The following WDPCP variants were observed in gnomAD, a reference collection of about 807,000 sequenced individuals.
The protein encoded by WDPCP is WD repeat-containing and planar cell polarity effector protein fritz homolog.
WDPCP carries 71 observed loss-of-function variants against 93.1 expected under a neutral mutation model. The observed-to-expected ratio is 0.76, with a 90% CI of 0.63 to 0.93. The LOEUF is 0.93. WDPCP is among the 40% of genes least tolerant of loss of function. WDPCP has a pLI of 0.00. For missense variants in WDPCP, 844 were observed against 887.4 expected, an observed-to-expected ratio of 0.95 and a Z score of 0.62; for synonymous variants, 315 against 315.0, an observed-to-expected ratio of 1.00 and a Z score of 0.00.
At chr2:63,756,501 T>C (rs982890026) in intron 2 of WDPCP, among the ~76,000 whole-genome samples, 2 of 152,192 alleles carry the variant, frequency 1.3e-5, no homozygotes, top group African/African-American at 4.8e-5. Context: ...ATATTTTCTA[T>C]AGAATTTAAT....
intron 14 of WDPCP, among the ~76,000 whole-genome samples, chr2:63,225,103 C>T (rs757899658): frequency 6.6e-6 from 1 of 150,466 alleles, no homozygotes; most frequent in Non-Finnish European, 1.5e-5. Context: ...TAAAGATACT[C>T]AGGAATGAAA....
chr2:63,569,228 T>C (rs1192949354), intron 1 of WDPCP, among the ~76,000 whole-genome samples: 1 of 152,206 alleles, frequency 6.6e-6, no homozygotes, highest in East Asian at 1.9e-4. Flanking sequence ...ACCTTCTATT[T>C]AGAATACAAA....
intron 1 of WDPCP, among the ~76,000 whole-genome samples, chr2:63,583,680 A>G (rs200389006): frequency 3.7e-5 from 1 of 26,686 alleles, no homozygotes; most frequent in Non-Finnish European, 5.3e-5. Context: ...ACTCCGTTTC[A>G]AAAAAAAAAA....
chr2:63,811,906 C>T (rs575731946), intron 2 of WDPCP, among the ~76,000 whole-genome samples: 2 of 152,272 alleles, frequency 1.3e-5, no homozygotes, highest in South Asian at 2.1e-4. Flanking sequence ...CTCTATCACC[C>T]TGGCTGGAGT....
chr2:63,372,371 C>T (rs1350127774), intron 12 of WDPCP, among the ~76,000 whole-genome samples: 1 of 152,118 alleles, frequency 6.6e-6, no homozygotes, highest in African/African-American at 2.4e-5. Context: ...AATATACAAA[C>T]TTCTGTTTTT....
rs191626387 is a variant in WDPCP at position 63,390,265 on chromosome 2, T to C, written c.1436-8171A>G. 1.9e-3 allele frequency among the ~76,000 whole-genome samples: 284 copies of C among 149,292 alleles called. 4 individuals are homozygous for C. Among genetic ancestry groups the C allele is most frequent in the Admixed American group, 0.016 (233 of 14,634 alleles). On this transcript the variant is annotated intron_variant, in intron 10 of 17. Transcript: ENST00000272321. ...ACTCACTCAAAACCGCACAACTATA[T>C]GGAAACTGAACAACATGCTCCTGAA...
intron 1 of WDPCP, among the ~76,000 whole-genome samples, chr2:63,523,319 G>A (rs1221982519): frequency 6.6e-6 from 1 of 151,918 alleles, no homozygotes; most frequent in African/African-American, 2.4e-5. Context: ...CAATAATAAG[G>A]GCCATTTATG....
At chr2:63,638,016 G>T (rs903753040) in intron 3 of WDPCP, among the ~76,000 whole-genome samples, 2 of 152,056 alleles carry the variant, frequency 1.3e-5, no homozygotes, top group Non-Finnish European at 2.9e-5. Flanking sequence ...ACATTGGATT[G>T]GATTTTATCA....
intron 12 of WDPCP, among the ~76,000 whole-genome samples, chr2:63,351,430 C>T (rs1689604797): frequency 6.6e-6 from 1 of 151,922 alleles, no homozygotes. Flanking sequence ...CCTGTCCTTT[C>T]CTCTCCCATC....
intron 2 of WDPCP, among the ~76,000 whole-genome samples, chr2:63,765,716 G>A (rs527736312): frequency 6.6e-6 from 1 of 152,314 alleles, no homozygotes; most frequent in East Asian, 1.9e-4. Flanking sequence ...AGGAACCACA[G>A]CTAAGGCATG....
At chr2:63,606,649 A>G (rs1329951496) in intron 3 of WDPCP, among the ~76,000 whole-genome samples, 2 of 151,318 alleles carry the variant, frequency 1.3e-5, no homozygotes, top group Non-Finnish European at 2.9e-5. Context: ...AAAGTCAGTC[A>G]TTTTTGAAGT....
At chr2:63,229,794 T>G (rs1678659515) in intron 14 of WDPCP, 1 of 152,054 alleles carries the variant, frequency 6.6e-6, no homozygotes, top group Admixed American at 6.6e-5. Flanking sequence ...TTGGTCTATA[T>G]CTCTGTTTTG....
chr2:63,620,466 T>C (rs1460128397), intron 3 of WDPCP, among the ~76,000 whole-genome samples: 1 of 152,130 alleles, frequency 6.6e-6, no homozygotes, highest in Non-Finnish European at 1.5e-5. Context: ...CCAGACTGCC[T>C]CTCTAGATTC....
chr2:63,281,362 C>T (rs1434172950), intron 13 of WDPCP, among the ~76,000 whole-genome samples: 2 of 152,110 alleles, frequency 1.3e-5, no homozygotes, highest in African/African-American at 4.8e-5. Context: ...GAAAAGGGAA[C>T]ACTTTTACAC....
chr2:63,250,011 T>C (rs1007285983), intron 14 of WDPCP, among the ~76,000 whole-genome samples: 1 of 152,162 alleles, frequency 6.6e-6, no homozygotes, highest in Non-Finnish European at 1.5e-5. Flanking sequence ...GTACCATAGA[T>C]CTTAGCAAGC....
chr2:63,528,889 T>C (rs904252244), intron 1 of WDPCP, among the ~76,000 whole-genome samples: 1 of 152,212 alleles, frequency 6.6e-6, no homozygotes, highest in African/African-American at 2.4e-5. Context: ...TTTTATTTCA[T>C]TGAGCAGTGG....
At chr2:63,610,468 G>A (rs1270585797) in intron 3 of WDPCP, among the ~76,000 whole-genome samples, 1 of 151,284 alleles carries the variant, frequency 6.6e-6, no homozygotes, top group Non-Finnish European at 1.5e-5. Context: ...TTAAATAAAA[G>A]TTATATATAC....
intron 1 of WDPCP, among the ~76,000 whole-genome samples, chr2:63,550,848 C>T (rs887806138): frequency 6.6e-6 from 1 of 151,484 alleles, no homozygotes; most frequent in Non-Finnish European, 1.5e-5. Context: ...CATCTACCCC[C>T]AACTCCTGAA....
chr2:63,129,287 G>A (rs1296453652), intron 17 of WDPCP, among the ~76,000 whole-genome samples: 1 of 152,198 alleles, frequency 6.6e-6, no homozygotes, highest in Non-Finnish European at 1.5e-5. Flanking sequence ...TCTTTGGGGT[G>A]TATACCAGAA....
Sources: gnomAD v4.1 joint callset for allele counts (sites outside exome capture counted in the v4.1 genomes callset) on GRCh38, gnomAD v4.1.1 for gene constraint, MANE v1.5 for transcripts, NCBI Gene and HGNC (gene_info 2026-07-23, HGNC 2026-07-21) for gene names.